SOX5: variants seen among roughly 807,000 people sequenced by gnomAD.
SOX5 encodes the protein transcription factor SOX-5.
In SOX5, 9 loss-of-function variants were observed where a neutral mutation model predicts 92.0. The ratio of observed to expected loss-of-function variants is 0.10; its 90% CI spans 0.06 to 0.17. The LOEUF (loss-of-function observed/expected upper bound fraction) is 0.17. Among genes scored for constraint, SOX5 ranks in the 10% least tolerant of loss-of-function variants. The pLI, the probability that SOX5 is intolerant of heterozygous loss-of-function variation, is 1.00. For synonymous variants in SOX5, 344 were observed against 336.3 expected (o/e 1.02, Z -0.25); for missense variants, 642 against 944.5 (o/e 0.68, Z 4.20).
intron 4 of SOX5, among the ~76,000 whole-genome samples, chr12:23,747,802 C>T (rs923072843): frequency 6.6e-6 from 1 of 151,964 alleles, no homozygotes; most frequent in Non-Finnish European, 1.5e-5. Context: ...GCAAAATCTT[C>T]CTCTTGAAAT....
chr12:24,384,788 T>C lies in SOX5; in HGVS notation c.-250-16149A>G, dbSNP rs115183302. ...TGGGAATGTGTTGCCCCTCAAAGTA[T>C]TGAGCTTAAATGAAGATTTCAGCAA... On this transcript the variant is annotated intron_variant, in intron 1 of 4. Transcript: ENST00000446891. Among the ~76,000 whole-genome samples, 669 of 152,286 alleles carry C rather than the reference T, an allele frequency of 4.4e-3. 4 individuals carry two copies. The highest frequency in any genetic ancestry group is 0.016 in the African/African-American group (645 of 41,550).
intron 1 of SOX5, among the ~76,000 whole-genome samples, chr12:23,944,765 T>C (rs1944267651): frequency 6.6e-6 from 1 of 152,162 alleles, no homozygotes; most frequent in Admixed American, 6.6e-5. Context: ...TGTCCATTTC[T>C]TGTTCAAGAA....
intron 3 of SOX5, among the ~76,000 whole-genome samples, chr12:23,792,396 G>T (rs972530224): frequency 1.1e-4 from 17 of 151,782 alleles, no homozygotes; most frequent in Non-Finnish European, 2.9e-5. Context: ...AGACCGAGGT[G>T]GGTGGATCAT....
At chr12:24,276,980 G>T (rs1321155012) in intron 3 of SOX5, among the ~76,000 whole-genome samples, 2 of 151,960 alleles carry the variant, frequency 1.3e-5, no homozygotes, top group African/African-American at 4.8e-5. Context: ...GAAAAGAAAT[G>T]TTGCTATCAT....
At chr12:24,088,658 C>G (rs1944294458) in intron 4 of SOX5, among the ~76,000 whole-genome samples, 1 of 151,764 alleles carries the variant, frequency 6.6e-6, no homozygotes, top group Non-Finnish European at 1.5e-5. Flanking sequence ...TTAATCACTA[C>G]CATTTCCGAG....
intron 1 of SOX5, among the ~76,000 whole-genome samples, chr12:24,413,598 G>A (rs932798311): frequency 2.6e-5 from 4 of 152,134 alleles, no homozygotes; most frequent in African/African-American, 9.7e-5. Context: ...CCTTAAGGAA[G>A]GCAAAATAAG....
intron 1 of SOX5, among the ~76,000 whole-genome samples, chr12:24,488,903 T>C (rs1045703234): frequency 6.6e-6 from 1 of 152,216 alleles, no homozygotes; most frequent in African/African-American, 2.4e-5. Flanking sequence ...CTTAGAGATT[T>C]CAAGGATTCT....
intron 3 of SOX5, among the ~76,000 whole-genome samples, chr12:24,236,630 T>C (rs1415539565): frequency 2.0e-5 from 3 of 152,232 alleles, no homozygotes; most frequent in Non-Finnish European, 4.4e-5. Flanking sequence ...TGAAATGCAG[T>C]TGTGGAAACC....
At chr12:24,296,208 T>G (rs905757373) in intron 2 of SOX5, among the ~76,000 whole-genome samples, 1 of 152,232 alleles carries the variant, frequency 6.6e-6, no homozygotes, top group Non-Finnish European at 1.5e-5. Flanking sequence ...TACGCTGGTT[T>G]TATTTCATTA....
intron 2 of SOX5, among the ~76,000 whole-genome samples, chr12:23,886,767 T>G (rs921874190): frequency 6.6e-5 from 10 of 152,156 alleles, no homozygotes; most frequent in African/African-American, 1.9e-4. Context: ...AAGATTTTAG[T>G]TAAATCAAAA....
chr12:24,515,845 T>C (rs1305256286), intron 1 of SOX5, among the ~76,000 whole-genome samples: 1 of 152,154 alleles, frequency 6.6e-6, no homozygotes, highest in Non-Finnish European at 1.5e-5. Flanking sequence ...AGCGAGTTGT[T>C]TTGTAAGCTG....
chr12:24,263,544 A>C (rs1461409196), intron 3 of SOX5, among the ~76,000 whole-genome samples: 1 of 149,624 alleles, frequency 6.7e-6, no homozygotes, highest in African/African-American at 2.4e-5. Flanking sequence ...AAAAAAACAA[A>C]AAAAAAAACA....
chr12:24,211,168 T>C (rs938450259), intron 4 of SOX5, among the ~76,000 whole-genome samples: 1 of 152,124 alleles, frequency 6.6e-6, no homozygotes, highest in African/African-American at 2.4e-5. Context: ...GTACCTCTCT[T>C]CCCCCACATT....
At chr12:23,936,673 A>G (rs1942630707) in intron 1 of SOX5, among the ~76,000 whole-genome samples, 1 of 150,958 alleles carries the variant, frequency 6.6e-6, no homozygotes, top group Non-Finnish European at 1.5e-5. Context: ...CAATAGAAAT[A>G]TGAGAGCCAC....
intron 3 of SOX5, among the ~76,000 whole-genome samples, chr12:23,807,683 C>T (rs1342109201): frequency 6.6e-6 from 1 of 150,774 alleles, no homozygotes; most frequent in Non-Finnish European, 1.5e-5. Flanking sequence ...CTGTGTTGCC[C>T]AGGCTGGGTT....
intron 6 of SOX5, among the ~76,000 whole-genome samples, chr12:23,714,450 T>C (rs1230427179): frequency 6.6e-6 from 1 of 152,150 alleles, no homozygotes. Context: ...GGCGAAACCC[T>C]GTCTCTATTA....
In SOX5 at chr12:23,736,159, A is replaced by T. The variant is rs559180799; in HGVS notation, c.742-1407T>A. Among the ~76,000 whole-genome samples the T allele has an allele frequency of 1.6e-3, 210 of 135,070 alleles. 6 individuals are homozygous for T. In the South Asian group the frequency reaches 0.046, roughly 30 times the overall value. The allele number at this position is 135,070 out of a possible 152,430, so 88.6% of individuals were successfully genotyped here. Reference sequence around the variant, plus strand: ...AGTAATAGTCACTAACATTTTTATTAAAAAAAAAAAAAAATCTCTTGGCCG... The same window carrying T: ...AGTAATAGTCACTAACATTTTTATTTAAAAAAAAAAAAAATCTCTTGGCCG... On this transcript the variant is annotated intron_variant, in intron 5 of 14. Coordinates refer to ENST00000451604, the MANE Select transcript of SOX5 (RefSeq NM_006940.6).
At chr12:23,659,505 C>G (rs1273378922) in intron 7 of SOX5, among the ~76,000 whole-genome samples, 1 of 152,110 alleles carries the variant, frequency 6.6e-6, no homozygotes, top group Non-Finnish European at 1.5e-5. Flanking sequence ...CTTTATATGG[C>G]TATTTAGCAC....
intron 1 of SOX5, among the ~76,000 whole-genome samples, chr12:24,515,222 G>A (rs1949675656): frequency 6.6e-6 from 1 of 152,184 alleles, no homozygotes; most frequent in African/African-American, 2.4e-5. Flanking sequence ...GACCTGGCAT[G>A]TGTTGTTATT....
Sources: gnomAD v4.1 joint callset for allele counts (sites outside exome capture counted in the v4.1 genomes callset) on GRCh38, gnomAD v4.1.1 for gene constraint, MANE v1.5 for transcripts, NCBI Gene and HGNC (gene_info 2026-07-23, HGNC 2026-07-21) for gene names.